NKAIN3: variants seen among roughly 807,000 people sequenced by gnomAD.
NKAIN3 encodes the protein sodium/potassium transporting ATPase interacting 3.
NKAIN3 carries 25 observed loss-of-function variants against 30.2 expected under a neutral mutation model. The observed-to-expected ratio is 0.83, with a 90% confidence interval of 0.60 to 1.16. The LOEUF is 1.16. Ranked by LOEUF, NKAIN3 falls within the 50% of genes most tolerant of loss-of-function variation. NKAIN3 has a pLI of 0.00. For missense variants in NKAIN3, 225 were observed against 254.1 expected (o/e 0.89, Z 0.78); for synonymous variants, 91 against 89.6 (o/e 1.02, Z -0.09).
intron 1 of NKAIN3, among the ~76,000 whole-genome samples, chr8:62,444,259 T>C (rs1381538942): frequency 1.3e-5 from 2 of 152,156 alleles, no homozygotes; most frequent in African/African-American, 4.8e-5. Context: ...CTTCAAATCA[T>C]TATCTTCTAG....
At chr8:62,716,768 A>T (rs1814917462) in intron 3 of NKAIN3, among the ~76,000 whole-genome samples, 1 of 151,870 alleles carries the variant, frequency 6.6e-6, no homozygotes, top group African/African-American at 2.4e-5. Context: ...ACAAAACAAA[A>T]CTTAGAGAAT....
chr8:62,862,578 T>A (rs1328986968), intron 4 of NKAIN3, among the ~76,000 whole-genome samples: 1 of 152,130 alleles, frequency 6.6e-6, no homozygotes, highest in Non-Finnish European at 1.5e-5. Flanking sequence ...CCTTCCTTCA[T>A]GAAAAGAGTA....
chr8:62,645,064 G>T (rs1404009028), intron 3 of NKAIN3, among the ~76,000 whole-genome samples: 3 of 152,146 alleles, frequency 2.0e-5, no homozygotes, highest in African/African-American at 4.8e-5. Flanking sequence ...TGTCACCTAA[G>T]TCAAATCGCA....
intron 1 of NKAIN3, among the ~76,000 whole-genome samples, chr8:62,379,903 A>G (rs969792961): frequency 6.6e-6 from 1 of 152,102 alleles, no homozygotes; most frequent in Non-Finnish European, 1.5e-5. Context: ...TCACATTTTC[A>G]TATTACAGAT....
chr8:62,849,713 T>A (rs1819821711), intron 4 of NKAIN3, among the ~76,000 whole-genome samples: 1 of 151,262 alleles, frequency 6.6e-6, no homozygotes, highest in East Asian at 2.0e-4. Flanking sequence ...TGTTTGGTTT[T>A]TTGTCCTTCC....
At chr8:62,685,468 G>T (rs1324021190) in intron 3 of NKAIN3, among the ~76,000 whole-genome samples, 2 of 152,132 alleles carry the variant, frequency 1.3e-5, no homozygotes, top group African/African-American at 4.8e-5. Context: ...TGAACCACTT[G>T]CTTGGTTCAT....
intron 4 of NKAIN3, among the ~76,000 whole-genome samples, chr8:62,815,526 T>G (rs4443660): frequency 1.5e-4 from 23 of 152,080 alleles, no homozygotes; most frequent in Admixed American, 4.6e-4. Flanking sequence ...TCCACCATGA[T>G]CAAGTGGGCT....
intron 1 of NKAIN3, among the ~76,000 whole-genome samples, chr8:62,415,066 A>G (rs1464656795): frequency 1.4e-5 from 2 of 145,022 alleles, no homozygotes; most frequent in Admixed American, 7.1e-5. Context: ...ATATTATATT[A>G]CATAATTTTA....
At chr8:62,298,645 A>T (rs931670638) in intron 1 of NKAIN3, among the ~76,000 whole-genome samples, 1 of 152,080 alleles carries the variant, frequency 6.6e-6, no homozygotes, top group African/African-American at 2.4e-5. Context: ...CTCCTCGGTA[A>T]GCCATGTGTG....
intron 3 of NKAIN3, among the ~76,000 whole-genome samples, chr8:62,596,848 T>C (rs1810850907): frequency 6.6e-6 from 1 of 152,116 alleles, no homozygotes; most frequent in Admixed American, 6.6e-5. Context: ...TATCTTTTCT[T>C]CATTGTCTGC....
intron 1 of NKAIN3, among the ~76,000 whole-genome samples, chr8:62,269,744 C>T (rs1812722722): frequency 6.6e-6 from 1 of 152,048 alleles, no homozygotes. Context: ...TTGTGAGTTA[C>T]TTTAGGTCAG....
At chr8:62,581,216 G>C (rs963034264) in intron 2 of NKAIN3, among the ~76,000 whole-genome samples, 1 of 151,536 alleles carries the variant, frequency 6.6e-6, no homozygotes, top group East Asian at 1.9e-4. Flanking sequence ...CCTAGAAGGG[G>C]GTTTCATGGA....
At chr8:62,694,744 T>C (rs1814098122) in intron 3 of NKAIN3, among the ~76,000 whole-genome samples, 1 of 152,166 alleles carries the variant, frequency 6.6e-6, no homozygotes, top group South Asian at 2.1e-4. Context: ...AGTAGAACAC[T>C]TTCCAAAGTC....
At chr8:62,441,153 C>G (rs1454150368) in intron 1 of NKAIN3, among the ~76,000 whole-genome samples, 2 of 152,016 alleles carry the variant, frequency 1.3e-5, no homozygotes, top group Non-Finnish European at 2.9e-5. Context: ...CTTATTGATT[C>G]AAAGGGCTAA....
chr8:62,635,025 A>G lies in NKAIN3; in HGVS notation c.273+45231A>G, dbSNP rs546935877. Among the ~76,000 whole-genome samples, 292 of 152,198 alleles carry G rather than the reference A, an allele frequency of 1.9e-3. 1 individual carries two copies. Among genetic ancestry groups the G allele is most frequent in the African/African-American group, 6.9e-3 (286 of 41,550 alleles). On this transcript the variant is annotated intron_variant, in intron 3 of 6. Coordinates refer to ENST00000623646, the MANE Select transcript of NKAIN3 (RefSeq NM_001304533.3). ...GACAAGAGAGAACCTGGGGATTCTAATTTACCTGGGGGGTCGGGGGCATGG... is the reference window on the plus strand; with the variant it reads ...GACAAGAGAGAACCTGGGGATTCTAGTTTACCTGGGGGGTCGGGGGCATGG...
At chr8:62,503,857 T>C (rs1412746619) in intron 1 of NKAIN3, among the ~76,000 whole-genome samples, 1 of 152,158 alleles carries the variant, frequency 6.6e-6, no homozygotes, top group Non-Finnish European at 1.5e-5. Flanking sequence ...ACTGATTTCA[T>C]ACTGTTCAAA....
chr8:62,333,817 C>T (rs190789558), intron 1 of NKAIN3, among the ~76,000 whole-genome samples: 3 of 151,986 alleles, frequency 2.0e-5, no homozygotes, highest in South Asian at 2.1e-4. Context: ...ATTTACAAGT[C>T]GCATTTTGGA....
chr8:62,941,673 A>G (rs2130883467), intron 5 of NKAIN3, among the ~76,000 whole-genome samples: 1 of 152,198 alleles, frequency 6.6e-6, no homozygotes, highest in East Asian at 1.9e-4. Context: ...ACATGATCGT[A>G]TCGACAGATG....
intron 1 of NKAIN3, among the ~76,000 whole-genome samples, chr8:62,578,764 A>G (rs1810200615): frequency 6.6e-6 from 1 of 152,030 alleles, no homozygotes; most frequent in Non-Finnish European, 1.5e-5. Flanking sequence ...ATTAAAAATA[A>G]TGATATGAAA....
Sources: allele counts gnomAD v4.1 joint callset (sites outside exome capture counted in the v4.1 genomes callset), GRCh38; gene constraint gnomAD v4.1.1; transcripts MANE v1.5; gene names NCBI Gene and HGNC (gene_info 2026-07-23, HGNC 2026-07-21).